The following SHPRH variants were observed in gnomAD, a reference collection of about 807,000 sequenced individuals.
SHPRH encodes the protein E3 ubiquitin-protein ligase SHPRH.
In SHPRH, 106 loss-of-function variants were observed where a neutral mutation model predicts 202.5. That is an observed-to-expected ratio of 0.52 (90% CI 0.45 to 0.62). The LOEUF (loss-of-function observed/expected upper bound fraction) is 0.62. Among genes scored for constraint, SHPRH ranks in the 20% least tolerant of loss-of-function variants. The pLI is 0.00. For missense variants in SHPRH, 1,710 were observed against 2,020.0 expected (o/e 0.85, Z 2.94); for synonymous variants, 729 against 686.0 (o/e 1.06, Z -0.98).
At chr6:145,879,965 T>TC (rs1381196081), downstream of SHPRH, among the ~76,000 whole-genome samples, 1 of 150,052 alleles carries the variant, frequency 6.7e-6, no homozygotes. Flanking sequence ...GTGACTAGCT[T>TC]CCCCCCACCA....
In SHPRH at chr6:145,935,074, G is replaced by A; in HGVS notation, c.2823C>T (p.Cys941=). Reference sequence around the variant, plus strand: ...TGAGTTTTACCACCACATCCTGGCAGCACACCTCATGCTGACGGTGATAGA... The same window carrying A: ...TGAGTTTTACCACCACATCCTGGCAACACACCTCATGCTGACGGTGATAGA... ...RHFYHRQHEV[C]CQDVVVKLRK... is the part of the protein sequence containing the mutation. Residue 941 remains cysteine (C), a synonymous_variant, in exon 13 of 30, where the codon TGC becomes TGT. Transcript: ENST00000275233. The A allele has an allele frequency of 1.2e-6, 2 of 1,613,762 alleles. No individual in the cohort carries two copies. The highest frequency in any genetic ancestry group is 1.7e-6 in the Non-Finnish European group (2 of 1,179,976).
chr6:145,948,159 C>T, intron 5 of SHPRH, 113 bp downstream of exon 5: 1 of 677,252 alleles, frequency 1.5e-6, no homozygotes. Flanking sequence ...CAAGACTTCA[C>T]CTTTGATTCC....
At position 145,946,357 on chromosome 6, in the gene SHPRH, G is replaced by A. The variant is rs1420370952; in HGVS notation, c.1213-16C>T. On this transcript the variant is annotated splice_polypyrimidine_tract_variant and intron_variant, in intron 6 of 29. Coordinates refer to ENST00000275233, the MANE Select transcript of SHPRH (RefSeq NM_001042683.3). ...CCACTTTTCCCTGATACAAACAACA[G>A]TCAGTAGTTACACAGTGTTTTGCTT... The A allele has an allele frequency of 1.9e-6, 3 of 1,576,846 alleles. No individual in the cohort carries two copies. Among genetic ancestry groups the A allele is most frequent in the Admixed American group, 3.4e-5 (2 of 58,144 alleles).
intron 18 of SHPRH, among the ~76,000 whole-genome samples, 168 bp downstream of exon 18, chr6:145,923,475 A>C (rs569686610): frequency 6.6e-6 from 1 of 151,990 alleles, no homozygotes; most frequent in Non-Finnish European, 1.5e-5. Context: ...AACCATTTTG[A>C]TAAACTGTGA....
At chr6:145,858,027 C>T in the SHPRH span, among the ~76,000 whole-genome samples, 1 of 151,972 alleles carries the variant, frequency 6.6e-6, no homozygotes, top group African/African-American at 2.4e-5. Context: ...ACCACTATAG[C>T]CCTAGTAGAA....
intron 25 of SHPRH, chr6:145,904,787 G>A (rs1157720524): frequency 6.6e-6 from 1 of 152,040 alleles, no homozygotes; most frequent in Non-Finnish European, 1.5e-5. Context: ...GATAAAAAGG[G>A]AAATTATCTT....
At chr6:145,880,753 T>C (rs900959632), downstream of SHPRH, among the ~76,000 whole-genome samples, 4 of 151,600 alleles carry the variant, frequency 2.6e-5, no homozygotes, top group East Asian at 3.8e-4. Flanking sequence ...CATTACAAAA[T>C]ATAATAAGTT....
chr6:145,938,349 T>C (rs1326013727), intron 11 of SHPRH, among the ~76,000 whole-genome samples: 1 of 152,168 alleles, frequency 6.6e-6, no homozygotes, highest in East Asian at 1.9e-4. Context: ...TGCTCTTAGA[T>C]GCGCCAGCCT....
At chr6:145,859,190 A>C in the SHPRH span, among the ~76,000 whole-genome samples, 2 of 152,072 alleles carry the variant, frequency 1.3e-5, no homozygotes, top group African/African-American at 4.8e-5. Flanking sequence ...ATTTTGAAGA[A>C]ATGAATCCCA....
intron 8 of SHPRH, 84 bp downstream of exon 8, chr6:145,945,297 A>T: frequency 7.1e-7 from 1 of 1,413,530 alleles, no homozygotes; most frequent in Non-Finnish European, 9.4e-7. Context: ...TAAGAGTTTC[A>T]GTTTCAAGGT....
At chr6:145,903,425 T>A (rs892996711) in intron 25 of SHPRH, 1 of 102,444 alleles carries the variant, frequency 9.8e-6, no homozygotes, top group South Asian at 2.9e-4. Flanking sequence ...AATGTAGAGA[T>A]ACAGAGTTTT....
At chr6:145,909,087 T>G (rs1359769121) in intron 25 of SHPRH, 1 of 152,156 alleles carries the variant, frequency 6.6e-6, no homozygotes, top group Non-Finnish European at 1.5e-5. Flanking sequence ...GTCTCTGTTC[T>G]GCTCCATTCG....
intron 2 of SHPRH, chr6:145,877,540 C>A (rs1780357314): frequency 6.6e-6 from 1 of 152,184 alleles, no homozygotes; most frequent in African/African-American, 2.4e-5. Flanking sequence ...AATATATTTC[C>A]TTGCCATGCC....
At chr6:145,866,555 G>GC (rs35992916) in intron 2 of SHPRH, among the ~76,000 whole-genome samples, 11,296 of 152,218 alleles carry the variant, frequency 0.074, 485 homozygotes, top group South Asian at 0.11. Context: ...ACAGGACGTG[G>GC]TTTTATCATT....
intron 2 of SHPRH, among the ~76,000 whole-genome samples, chr6:145,873,980 C>A (rs1321409542): frequency 6.6e-6 from 1 of 152,070 alleles, no homozygotes; most frequent in Non-Finnish European, 1.5e-5. Context: ...AGGTGGATCA[C>A]CTGAGGTCAG....
intron 23 of SHPRH, among the ~76,000 whole-genome samples, chr6:145,916,834 G>C (rs1783999189): frequency 6.6e-6 from 1 of 151,974 alleles, no homozygotes; most frequent in African/African-American, 2.4e-5. Context: ...CTAGGCTGGA[G>C]TGCAATGGCG....
chr6:145,893,007 G>C (rs1781699426), intron 28 of SHPRH, among the ~76,000 whole-genome samples: 1 of 151,778 alleles, frequency 6.6e-6, no homozygotes, highest in African/African-American at 2.4e-5. Context: ...TTGGAGAGAA[G>C]GGAGGGTTGG....
chr6:145,925,341 T>TACACACAC (rs10631165), intron 16 of SHPRH, among the ~76,000 whole-genome samples: 4,487 of 145,166 alleles, frequency 0.031, 85 homozygotes, highest in African/African-American at 0.052. Context: ...ATGTTCTCAC[T>TACACACAC]ACACACACAC....
chr6:145,954,257 A>AG (rs1318718278), intron 2 of SHPRH, among the ~76,000 whole-genome samples: 3 of 152,052 alleles, frequency 2.0e-5, no homozygotes, highest in African/African-American at 7.2e-5. Context: ...AGAGTAATAA[A>AG]GGGTAAGGCT....
Sources: gnomAD v4.1 joint callset for allele counts (sites outside exome capture counted in the v4.1 genomes callset) on GRCh38, gnomAD v4.1.1 for gene constraint, MANE v1.5 for transcripts, NCBI Gene and HGNC (gene_info 2026-07-23, HGNC 2026-07-21) for gene names.